Variants in NXPE2 observed in about 807,000 individuals in gnomAD.
NXPE2 encodes the protein NXPE family member 2.
Under a neutral mutation model 34.4 loss-of-function variants are expected in NXPE2, and 34 were observed. The observed-to-expected ratio is 0.99, with a 90% confidence interval of 0.75 to 1.31. The LOEUF (loss-of-function observed/expected upper bound fraction) is 1.31, where lower values mean the gene tolerates loss of function less well. Among genes scored for constraint, NXPE2 ranks in the 40% most tolerant of loss-of-function variants. The probability of loss-of-function intolerance (pLI) is 0.00; values close to 1 mark genes in which losing one functional copy is unlikely to be tolerated. For missense variants in NXPE2, 649 were observed against 672.5 expected (o/e 0.97, Z 0.39); for synonymous variants, 235 against 231.3 (o/e 1.02, Z -0.15).
the NXPE2 span, among the ~76,000 whole-genome samples, chr11:114,787,389 G>A: frequency 6.6e-6 from 1 of 152,130 alleles, no homozygotes; most frequent in Admixed American, 6.5e-5. Flanking sequence ...TGGGAACGGG[G>A]GAGCATCACG....
At chr11:114,694,229 G>C (rs1951206750) in intron 2 of NXPE2, among the ~76,000 whole-genome samples, 2 of 152,212 alleles carry the variant, frequency 1.3e-5, no homozygotes, top group Non-Finnish European at 2.9e-5. Context: ...TAATTAGCAA[G>C]CATAATTACA....
chr11:114,501,757 G>A, the NXPE2 span, among the ~76,000 whole-genome samples: 2 of 152,120 alleles, frequency 1.3e-5, no homozygotes, highest in African/African-American at 4.8e-5. Context: ...GAGGTAAGAA[G>A]GGCTTTGGAA....
the NXPE2 span, among the ~76,000 whole-genome samples, chr11:114,637,231 CT>C: frequency 6.6e-6 from 1 of 151,808 alleles, no homozygotes; most frequent in Non-Finnish European, 1.5e-5. Flanking sequence ...CCTTCTTTGT[CT>C]CTTTTGATCT....
the NXPE2 span, among the ~76,000 whole-genome samples, chr11:114,670,488 G>T: frequency 6.6e-6 from 1 of 151,898 alleles, no homozygotes; most frequent in Non-Finnish European, 1.5e-5. Context: ...GAGGCTAGGA[G>T]TTGGAAATCA....
Position 114,691,932 on chromosome 11 carries a change from T to C in NXPE2, c.133-6113T>C, listed in dbSNP as rs73564309. Among the ~76,000 whole-genome samples the C allele has an allele frequency of 8.3e-3, 1,263 of 152,278 alleles. 17 individuals carry two copies. Among genetic ancestry groups the C allele is most frequent in the African/African-American group, 0.028 (1,172 of 41,558 alleles). On this transcript the variant is annotated intron_variant, in intron 2 of 5. Coordinates refer to ENST00000389586, the MANE Select transcript of NXPE2 (RefSeq NM_182495.6). Reference sequence around the variant, plus strand: ...ACCAGGATTGACACCCACAGACTAGTTCCAGTTTGCAAAGCTGTCCCCGGC... The same window carrying C: ...ACCAGGATTGACACCCACAGACTAGCTCCAGTTTGCAAAGCTGTCCCCGGC...
the NXPE2 span, among the ~76,000 whole-genome samples, chr11:114,509,137 C>G: frequency 1.3e-5 from 2 of 152,142 alleles, no homozygotes; most frequent in Non-Finnish European, 2.9e-5. Context: ...ATGTGGCCAA[C>G]AAACATGAAA....
the NXPE2 span, among the ~76,000 whole-genome samples, chr11:114,609,951 C>T: frequency 6.6e-6 from 1 of 151,904 alleles, no homozygotes; most frequent in East Asian, 2.0e-4. Flanking sequence ...CGTGGGTAAC[C>T]ACTGTTACAC....
the NXPE2 span, among the ~76,000 whole-genome samples, chr11:114,726,656 ATTAAT>A: frequency 6.6e-6 from 1 of 152,208 alleles, no homozygotes; most frequent in South Asian, 2.1e-4. Context: ...TTCATATTCA[ATTAAT>A]TTATTTCCCC....
the NXPE2 span, among the ~76,000 whole-genome samples, chr11:114,753,550 G>A: frequency 6.6e-6 from 1 of 152,130 alleles, no homozygotes; most frequent in East Asian, 1.9e-4. Context: ...CATAGTTGTA[G>A]TGTAAATTAT....
At chr11:114,719,654 T>C in the NXPE2 span, among the ~76,000 whole-genome samples, 2 of 152,272 alleles carry the variant, frequency 1.3e-5, no homozygotes, top group African/African-American at 4.8e-5. Context: ...CAGAAGCAGC[T>C]GTCGCCAGCC....
intron 3 of NXPE2, among the ~76,000 whole-genome samples, chr11:114,702,717 C>A (rs926254059): frequency 2.6e-5 from 4 of 152,098 alleles, no homozygotes; most frequent in Non-Finnish European, 5.9e-5. Flanking sequence ...GATTCCCAGT[C>A]GATCTTATTC....
the NXPE2 span, among the ~76,000 whole-genome samples, chr11:114,783,611 A>G: frequency 6.6e-6 from 1 of 152,120 alleles, no homozygotes; most frequent in Admixed American, 6.5e-5. Flanking sequence ...GACTGTTTAG[A>G]TTTTCTTTCT....
At chr11:114,644,437 C>A in the NXPE2 span, among the ~76,000 whole-genome samples, 1 of 152,040 alleles carries the variant, frequency 6.6e-6, no homozygotes, top group Admixed American at 6.6e-5. Context: ...CCATCAATAC[C>A]TAGTTTATTG....
chr11:114,489,853 G>C, the NXPE2 span, among the ~76,000 whole-genome samples: 89 of 152,272 alleles, frequency 5.8e-4, 1 homozygote, highest in African/African-American at 2.0e-3. Flanking sequence ...GGAAGTTCTG[G>C]CCAGGGCAAT....
At chr11:114,479,671 T>C in the NXPE2 span, among the ~76,000 whole-genome samples, 1 of 151,994 alleles carries the variant, frequency 6.6e-6, no homozygotes, top group Non-Finnish European at 1.5e-5. Context: ...ATCCAGCAGT[T>C]TGAAGCTTAG....
chr11:114,677,930 A>G (rs1950876724), upstream of NXPE2, among the ~76,000 whole-genome samples: 1 of 152,004 alleles, frequency 6.6e-6, no homozygotes, highest in African/African-American at 2.4e-5. Flanking sequence ...ACCTACATCC[A>G]CAGAATTTGC....
the NXPE2 span, among the ~76,000 whole-genome samples, chr11:114,552,349 A>G: frequency 6.6e-6 from 1 of 152,132 alleles, no homozygotes; most frequent in Non-Finnish European, 1.5e-5. Flanking sequence ...CACACACTAT[A>G]TTGCAATAGA....
chr11:114,505,915 GAC>G, the NXPE2 span, among the ~76,000 whole-genome samples: 3 of 151,878 alleles, frequency 2.0e-5, no homozygotes, highest in Admixed American at 1.3e-4. Context: ...CCATTTAAAA[GAC>G]ACAAAATGGC....
rs765102258 is a variant in NXPE2 at position 114,698,699 on chromosome 11, T to G, written c.787T>G (p.Cys263Gly). The change falls in exon 3 of 6, where the codon TGT becomes GGT. Residue 263 changes from cysteine to glycine, a missense_variant. Physicochemically the swap from Cys to Gly is radical, Grantham distance 159. Transcript: ENST00000389586. The part of the protein sequence containing the change: ...FYCVRPQHMP[C>G]EALTHMTTRT... ...CTGTGTGAGGCCTCAACATATGCCCTGTGAGGCCTTGACCCACATGACCAC... is the reference window on the plus strand; with the variant it reads ...CTGTGTGAGGCCTCAACATATGCCCGGTGAGGCCTTGACCCACATGACCAC... The G allele has an allele frequency of 1.9e-6, 3 of 1,613,632 alleles. No individual in the cohort carries two copies. The highest frequency in any genetic ancestry group is 4.5e-5 in the East Asian group (2 of 44,886).
Sources: gnomAD v4.1 joint callset for allele counts (sites outside exome capture counted in the v4.1 genomes callset) on GRCh38, gnomAD v4.1.1 for gene constraint, MANE v1.5 for transcripts, NCBI Gene and HGNC (gene_info 2026-07-23, HGNC 2026-07-21) for gene names.